Variants in USP34 observed in about 807,000 individuals in gnomAD.
The protein encoded by USP34 is ubiquitin specific peptidase 34, also known as ubiquitin carboxyl-terminal hydrolase 34.
Under a neutral mutation model 460.3 loss-of-function variants are expected in USP34, and 70 were observed. The ratio of observed to expected loss-of-function variants is 0.15; its 90% CI spans 0.13 to 0.19. The LOEUF (loss-of-function observed/expected upper bound fraction) is 0.19. Among genes scored for constraint, USP34 ranks in the 10% least tolerant of loss-of-function variants. The pLI is 1.00. For synonymous variants in USP34, 1,647 were observed against 1,405.3 expected, an observed-to-expected ratio of 1.17 and a Z score of -3.85; for missense variants, 3,985 against 4,236.2, an observed-to-expected ratio of 0.94 and a Z score of 1.65.
intron 1 of USP34, among the ~76,000 whole-genome samples, chr2:61,469,955 G>A (rs1695898311): frequency 6.6e-6 from 1 of 152,174 alleles, no homozygotes; most frequent in Non-Finnish European, 1.5e-5. Flanking sequence ...AGAGAGATAG[G>A]CCATAACTAT....
intron 27 of USP34, among the ~76,000 whole-genome samples, chr2:61,305,036 C>T (rs1007876407): frequency 2.6e-5 from 4 of 151,998 alleles, no homozygotes; most frequent in African/African-American, 9.7e-5. Flanking sequence ...AAAAATTTTA[C>T]AGACGTAGGA....
chr2:61,379,947 G>A (rs1028363688), intron 7 of USP34, among the ~76,000 whole-genome samples: 3 of 152,130 alleles, frequency 2.0e-5, no homozygotes, highest in East Asian at 3.8e-4. Flanking sequence ...AGTTGGACCC[G>A]GAAATCAAAT....
In USP34 at chr2:61,384,956, T is replaced by C. The variant is rs1008483264; in HGVS notation, c.754-1620A>G. ...CTCTGAGATAATATAATTATATAAT[T>C]AGGAAACCCAAAATAATTATCAGAT... On this transcript the variant is annotated intron_variant, in intron 5 of 79. Coordinates refer to ENST00000398571, the MANE Select transcript of USP34 (RefSeq NM_014709.4). Among the ~76,000 whole-genome samples the C allele has an allele frequency of 4.6e-5, 7 of 152,060 alleles. No homozygotes were observed. In the South Asian group the frequency reaches 8.3e-4, roughly 18 times the overall value.
intron 2 of USP34, chr2:61,416,952 TG>T: frequency 4.0e-6 from 5 of 1,259,668 alleles, no homozygotes; most frequent in Non-Finnish European, 5.7e-6. Flanking sequence ...CACAGCCATC[TG>T]GGATGAGCCG....
At chr2:61,228,106 A>T (rs1054365808) in intron 61 of USP34, among the ~76,000 whole-genome samples, 5 of 152,354 alleles carry the variant, frequency 3.3e-5, no homozygotes, top group African/African-American at 1.2e-4. Flanking sequence ...ATCTAAAACA[A>T]ATTAACTTCT....
chr2:61,320,243 C>T (rs984408805), intron 21 of USP34, among the ~76,000 whole-genome samples: 8 of 152,188 alleles, frequency 5.3e-5, no homozygotes, highest in African/African-American at 1.9e-4. Flanking sequence ...GTGGCCAAAT[C>T]GTATCCCAGC....
chr2:61,460,275 G>A (rs974900380), intron 1 of USP34, among the ~76,000 whole-genome samples: 2 of 152,104 alleles, frequency 1.3e-5, no homozygotes, highest in Admixed American at 6.6e-5. Flanking sequence ...ATTCCGAGTG[G>A]CATGATGAAA....
At chr2:61,376,313 C>A (rs191803731) in intron 8 of USP34, among the ~76,000 whole-genome samples, 13 of 152,322 alleles carry the variant, frequency 8.5e-5, no homozygotes, top group Admixed American at 8.5e-4. Context: ...TGTACACATA[C>A]TCTCCCTTGC....
In USP34 at chr2:61,194,272, C is replaced by T. The variant is rs142691748; in HGVS notation, c.9509-1292G>A. 1,859 of 985,384 alleles carry T rather than the reference C, an allele frequency of 1.9e-3. 2 individuals are homozygous for T. Among genetic ancestry groups the T allele is most frequent in the Middle Eastern group, 4.7e-3 (9 of 1,914 alleles). 61.0% of individuals were successfully genotyped at this position (985,384 alleles called of 1,614,324 possible). A position where few individuals can be genotyped will look rare whatever the true frequency, so the allele number is the denominator to read the frequency against. Reference sequence around the variant, plus strand: ...AAATGCTACTTCCCCTTTATCCTAACCTAATCTGGTTGGTGTTTGGCAGCA... The same window carrying T: ...AAATGCTACTTCCCCTTTATCCTAATCTAATCTGGTTGGTGTTTGGCAGCA... On this transcript the variant is annotated intron_variant, in intron 75 of 79. Coordinates refer to ENST00000398571, the MANE Select transcript of USP34 (RefSeq NM_014709.4).
At chr2:61,369,236 C>A (rs552154508) in intron 10 of USP34, among the ~76,000 whole-genome samples, 1 of 152,170 alleles carries the variant, frequency 6.6e-6, no homozygotes, top group Non-Finnish European at 1.5e-5. Flanking sequence ...ATTCTTTAAC[C>A]TAGTAATTCT....
chr2:61,240,492 A>G (rs576305433), intron 53 of USP34, among the ~76,000 whole-genome samples: 1 of 151,988 alleles, frequency 6.6e-6, no homozygotes, highest in African/African-American at 2.4e-5. Flanking sequence ...GTTAGGCAGG[A>G]TGGTCTCAAT....
intron 53 of USP34, among the ~76,000 whole-genome samples, chr2:61,237,429 G>T (rs1333705734): frequency 6.6e-6 from 1 of 151,940 alleles, no homozygotes; most frequent in Non-Finnish European, 1.5e-5. Flanking sequence ...CTAAAGGCTG[G>T]TAATACTGTG....
At chr2:61,258,658 G>A (rs1276479784) in intron 44 of USP34, among the ~76,000 whole-genome samples, 1 of 152,192 alleles carries the variant, frequency 6.6e-6, no homozygotes, top group Non-Finnish European at 1.5e-5. Context: ...AAAAAACCCA[G>A]AGGGTGTGTG....
At chr2:61,278,660 G>A (rs1029778335) in intron 39 of USP34, among the ~76,000 whole-genome samples, 3 of 151,910 alleles carry the variant, frequency 2.0e-5, no homozygotes, top group African/African-American at 7.3e-5. Context: ...AACAATCAAT[G>A]GAATGTTGAT....
In USP34 at chr2:61,339,696, A is replaced by G. The variant is rs573399314; in HGVS notation, c.2501-15T>C. The G allele has an allele frequency of 1.2e-4, 165 of 1,396,460 alleles. 2 individuals carry two copies. In the South Asian group the frequency reaches 2.2e-3, roughly 19 times the overall value. The allele number at this position is 1,396,460 out of a possible 1,614,324, so 86.5% of individuals were successfully genotyped here. A position where few individuals can be genotyped will look rare whatever the true frequency, so the allele number is the denominator to read the frequency against. ...AACTACAGGTCCTGAAGAGAAAAAA[A>G]AAAAAAAGACACACTATAGAGAAAT... is the stretch of plus-strand genomic sequence containing the variant. On this transcript the variant is annotated splice_polypyrimidine_tract_variant and intron_variant, in intron 16 of 79. Transcript: ENST00000398571.
chr2:61,470,696 T>TCGGCCGCCGCCCCCCCC lies in USP34; in HGVS notation c.-21_-5dup. On this transcript the variant is annotated 5_prime_UTR_variant, in exon 1 of 80. Coordinates refer to ENST00000398571, the MANE Select transcript of USP34 (RefSeq NM_014709.4). ...GGTCTGCGCAGTTCTCGCACATCGTTCGGCCGCCGCCCCCCCCCTCCCCCG... is the reference window on the plus strand; with the variant it reads ...GGTCTGCGCAGTTCTCGCACATCGTTCGGCCGCCGCCCCCCCCCGGCCGCCGCCCCCCCCCTCCCCCG... 1 of 1,590,118 alleles carries TCGGCCGCCGCCCCCCCC rather than the reference T, an allele frequency of 6.3e-7. No individual in the cohort carries two copies. Among genetic ancestry groups the TCGGCCGCCGCCCCCCCC allele is most frequent in the Non-Finnish European group, 8.6e-7 (1 of 1,168,608 alleles).
rs767677421 is a variant in USP34 at position 61,265,438 on chromosome 2, A to G, written c.5737T>C (p.Tyr1913His). ...GCCTGTCTTGCCTCAGGTATCATAT[A>G]AAGTTGCTGAATAGTAGAAGCTAAG... is the stretch of plus-strand genomic sequence containing the variant. ...CYLASTIQQLYMIPEARQAVF... is the reference protein window; with the variant it reads ...CYLASTIQQLHMIPEARQAVF... The change falls in exon 43 of 80, where the codon TAT (tyrosine) becomes CAT (histidine). Residue 1913 changes from tyrosine (Y) to histidine (H), a missense_variant. This residue lies in a region of USP34 where 145 missense variants were observed against 291.6 expected (regional missense o/e 0.50). Coordinates refer to ENST00000398571, the MANE Select transcript of USP34 (RefSeq NM_014709.4). The G allele has an allele frequency of 1.2e-6, 2 of 1,612,984 alleles. No homozygotes were observed. Among genetic ancestry groups the G allele is most frequent in the African/African-American group, 2.7e-5 (2 of 74,912 alleles).
At chr2:61,299,907 CCTT>C (rs1364809334) in intron 29 of USP34, among the ~76,000 whole-genome samples, 3 of 152,180 alleles carry the variant, frequency 2.0e-5, no homozygotes, top group Non-Finnish European at 4.4e-5. Flanking sequence ...ATCTATCTAT[CCTT>C]CAGCTCAAAT....
chr2:61,430,428 T>G (rs1694636396), intron 1 of USP34, among the ~76,000 whole-genome samples: 1 of 151,944 alleles, frequency 6.6e-6, no homozygotes, highest in Non-Finnish European at 1.5e-5. Flanking sequence ...AAAATACATT[T>G]AAAAATAAAG....
Sources: gnomAD v4.1 joint callset for allele counts (sites outside exome capture counted in the v4.1 genomes callset) on GRCh38, gnomAD v4.1.1 for gene constraint, gnomAD v4.1.1 regional missense constraint, MANE v1.5 for transcripts, NCBI Gene and HGNC (gene_info 2026-07-23, HGNC 2026-07-21) for gene names.